SPI1: variants seen among roughly 807,000 people sequenced by gnomAD.
The protein encoded by SPI1 is Spi-1 proto-oncogene.
In SPI1, 3 loss-of-function variants were observed where a neutral mutation model predicts 30.7. The observed-to-expected ratio is 0.10, with a 90% CI of 0.04 to 0.25. SPI1 has a LOEUF of 0.25. Among genes scored for constraint, SPI1 ranks in the 10% least tolerant of loss-of-function variants. The probability of loss-of-function intolerance (pLI) is 1.00; values close to 1 mark genes in which losing one functional copy is unlikely to be tolerated. For synonymous variants in SPI1, 169 were observed against 157.1 expected (o/e 1.08, Z -0.56); for missense variants, 261 against 371.5 (o/e 0.70, Z 2.45).
chr11:47,356,463 GC>G (rs1184122050), intron 4 of SPI1, among the ~76,000 whole-genome samples: 4 of 149,088 alleles, frequency 2.7e-5, no homozygotes, highest in East Asian at 2.0e-4. Context: ...CCCACTTACT[GC>G]CCCCACACAC....
Position 47,355,244 on chromosome 11 carries a change from G to A in SPI1, c.796C>T (p.Arg266Cys), listed in dbSNP as rs1220972251. ...CTGCGGGCTCAGTGGGGCGGGTGGCGCCGCTCGGCCAGGCCCCCGCGGCCC... is the reference window on the plus strand; with the variant it reads ...CTGCGGGCTCAGTGGGGCGGGTGGCACCGCTCGGCCAGGCCCCCGCGGCCC... The part of the protein sequence containing the change: ...VLGRGGLAER[R>C]HPPH Residue 266 changes from arginine (R) to cysteine (C), a missense_variant, in exon 5 of 5, where the codon CGC becomes TGC. Transcript: ENST00000378538. 2.1e-6 allele frequency: 3 copies of A among 1,433,534 alleles called. No individual in the cohort carries two copies. Among genetic ancestry groups the A allele is most frequent in the East Asian group, 5.6e-5 (2 of 35,436 alleles). The allele number at this position is 1,433,534 out of a possible 1,614,324, so 88.8% of individuals were successfully genotyped here. A position where few individuals can be genotyped will look rare whatever the true frequency, so the allele number is the denominator to read the frequency against.
intron 4 of SPI1, among the ~76,000 whole-genome samples, chr11:47,355,910 C>T (rs1240516365): frequency 6.6e-6 from 1 of 151,570 alleles, no homozygotes; most frequent in African/African-American, 2.4e-5. Context: ...CGTGCTCACA[C>T]AACGCACCTT....
intron 4 of SPI1, among the ~76,000 whole-genome samples, chr11:47,355,818 T>TAC (rs1227300003): frequency 7.2e-6 from 1 of 139,102 alleles, no homozygotes; most frequent in Non-Finnish European, 1.5e-5. Context: ...GTGCACCAAG[T>TAC]ACACACACAT....
At position 47,355,053 on chromosome 11, in the gene SPI1, A is replaced by C. The variant is rs1192429620; in HGVS notation, c.*174T>G. ...CGGGGTGGAGTCCTGGAGGGAGGCG[A>C]AGCGGGATGTGGAGGGGGCCTGGAG... is the stretch of plus-strand genomic sequence containing the variant. On this transcript the variant is annotated 3_prime_UTR_variant, in exon 5 of 5. Transcript: ENST00000378538. The C allele has an allele frequency of 8.0e-6, 3 of 377,172 alleles. No homozygotes were observed. Among genetic ancestry groups the C allele is most frequent in the Admixed American group, 1.2e-4 (2 of 16,974 alleles). 23.4% of individuals were successfully genotyped at this position (377,172 alleles called of 1,614,324 possible). A position where few individuals can be genotyped will look rare whatever the true frequency, so the allele number is the denominator to read the frequency against.
At chr11:47,363,788 C>G (rs572800303) in intron 2 of SPI1, among the ~76,000 whole-genome samples, 29 of 151,654 alleles carry the variant, frequency 1.9e-4, no homozygotes, top group African/African-American at 6.8e-4. Context: ...CATAGTGAAA[C>G]CCCGTCTCTA....
chr11:47,365,735 C>T (rs554593733), intron 2 of SPI1, among the ~76,000 whole-genome samples: 66 of 152,244 alleles, frequency 4.3e-4, no homozygotes, highest in African/African-American at 1.5e-3. Context: ...CTCATGCTTT[C>T]GCCCAGACTG....
rs116441639 is a variant in SPI1 at position 47,374,642 on chromosome 11, G to A, written c.142+991C>T. Reference sequence around the variant, plus strand: ...TCGCTGGTCTGCCCGGGTCCCAGACGCCCTGAGGAATTCCCCAGTGACGAC... The same window carrying A: ...TCGCTGGTCTGCCCGGGTCCCAGACACCCTGAGGAATTCCCCAGTGACGAC... On this transcript the variant is annotated intron_variant, in intron 2 of 4. Transcript: ENST00000378538. The surrounding 1 kb of genome is among the most constrained non-coding windows in gnomAD (Gnocchi z 4.5). Among the ~76,000 whole-genome samples the A allele has an allele frequency of 7.0e-3, 1,069 of 152,286 alleles. 18 individuals are homozygous for A. The highest frequency in any genetic ancestry group is 0.025 in the African/African-American group (1,026 of 41,542).
chr11:47,372,183 C>T (rs145804047), intron 2 of SPI1, among the ~76,000 whole-genome samples: 7 of 151,696 alleles, frequency 4.6e-5, no homozygotes, highest in Non-Finnish European at 1.0e-4. Flanking sequence ...CAGCTCACTG[C>T]AACCTCCGCC....
intron 4 of SPI1, among the ~76,000 whole-genome samples, chr11:47,358,008 G>A (rs2095914328): frequency 6.6e-6 from 1 of 151,098 alleles, no homozygotes. Context: ...CTCACACATG[G>A]GAACACACAC....
chr11:47,355,621 C>G (rs554510695), intron 4 of SPI1, 75 bp from the exon 5 acceptor site: 3 of 1,328,180 alleles, frequency 2.3e-6, no homozygotes, highest in Non-Finnish European at 3.0e-6. Context: ...TGCGTACGCA[C>G]AGGGGCCCGG....
chr11:47,356,385 ACACC>A (rs2095909330), intron 4 of SPI1, among the ~76,000 whole-genome samples: 2 of 148,666 alleles, frequency 1.3e-5, no homozygotes, highest in African/African-American at 5.0e-5. Context: ...CACCTCATTC[ACACC>A]CACTCACATG....
At chr11:47,365,198 C>T (rs949616727) in intron 2 of SPI1, among the ~76,000 whole-genome samples, 1 of 152,094 alleles carries the variant, frequency 6.6e-6, no homozygotes, top group Non-Finnish European at 1.5e-5. Context: ...TCTTTATGTC[C>T]CTTCACTGGG....
intron 2 of SPI1, among the ~76,000 whole-genome samples, chr11:47,370,739 G>A (rs1029454351): frequency 1.3e-5 from 2 of 152,090 alleles, no homozygotes; most frequent in African/African-American, 4.8e-5. Context: ...ATGGATATGA[G>A]AAAGTACAGG....
At position 47,355,428 on chromosome 11, in the gene SPI1, C is replaced by T. The variant is rs963601565; in HGVS notation, c.612G>A (p.Lys204=). ...KDKGTFQFSS[K]HKEALAHRWG... ...AGCGGTGCGCCAGCGCCTCCTTGTGCTTGGACGAGAACTGGAAGGTGCCCT... is the reference window on the plus strand; with the variant it reads ...AGCGGTGCGCCAGCGCCTCCTTGTGTTTGGACGAGAACTGGAAGGTGCCCT... The change falls in exon 5 of 5, where the codon AAG becomes AAA. Residue 204 remains lysine, a synonymous_variant. Coordinates refer to ENST00000378538, the MANE Select transcript of SPI1 (RefSeq NM_003120.3). 1 of 1,613,830 alleles carries T rather than the reference C, an allele frequency of 6.2e-7. No homozygotes were observed. The highest frequency in any genetic ancestry group is 8.5e-7 in the Non-Finnish European group (1 of 1,179,770).
chr11:47,358,263 C>G (rs2095914975), intron 4 of SPI1: 1 of 453,970 alleles, frequency 2.2e-6, no homozygotes, highest in Non-Finnish European at 4.1e-6. Flanking sequence ...CTTGCTCACA[C>G]ACCTGCTGTC....
rs1210702530 is a variant in SPI1 at position 47,359,687 on chromosome 11, G to A, written c.330+166C>T. 1.3e-5 allele frequency among the ~76,000 whole-genome samples: 2 copies of A among 151,932 alleles called. No individual in the cohort carries two copies. The highest frequency in any genetic ancestry group is 1.5e-5 in the Non-Finnish European group (1 of 67,986). On this transcript the variant is annotated intron_variant, in intron 3 of 4. Coordinates refer to ENST00000378538, the MANE Select transcript of SPI1 (RefSeq NM_003120.3). The surrounding 1 kb of genome is among the most constrained non-coding windows in gnomAD (Gnocchi z 5.1). ...GAGATAAGGGGTGTGGGGTCATGAG[G>A]TCACTTGGGGGGTCAGGCGGCAGCC...
In SPI1 at chr11:47,359,355, C is replaced by T. The variant is rs142045252; in HGVS notation, c.331-349G>A. Among the ~76,000 whole-genome samples, 45 of 152,158 alleles carry T rather than the reference C, an allele frequency of 3.0e-4. No homozygotes were observed. In the South Asian group the frequency reaches 7.5e-3, roughly 25 times the overall value. On this transcript the variant is annotated intron_variant, in intron 3 of 4. Transcript: ENST00000378538. This position sits in a 1 kb window ranked among gnomAD's most constrained non-coding sequence, Gnocchi z 5.1. The stretch of plus-strand genomic sequence containing the variant: ...GGTCAGAAGAGGGCATGCTAGGGAC[C>T]GGTGCGTTGGGTCTGGAAGGGGGTT...
At position 47,375,534 on chromosome 11, in the gene SPI1, C is replaced by T. The variant is rs1402805365; in HGVS notation, c.142+99G>A. 4.1e-6 allele frequency: 4 copies of T among 967,784 alleles called. 1 individual carries two copies. The African/African-American group carries it at 6.5e-5, about 16-fold the overall frequency. The allele number at this position is 967,784 out of a possible 1,614,324, so 59.9% of individuals were successfully genotyped here. ...CAAACTTGATCTGATTCTCAGAATT[C>T]CAAAGAAGTCCTGGGAATCATTTAT... is the stretch of plus-strand genomic sequence containing the variant. On this transcript the variant is annotated intron_variant, in intron 2 of 4. Transcript: ENST00000378538. This position sits in a 1 kb window ranked among gnomAD's most constrained non-coding sequence, Gnocchi z 4.2.
intron 1 of SPI1, among the ~76,000 whole-genome samples, chr11:47,377,832 G>A (rs146322961): frequency 6.6e-5 from 10 of 152,336 alleles, no homozygotes; most frequent in East Asian, 3.9e-4. Flanking sequence ...CAGACTGGGC[G>A]TTGGGGACCC....
Sources: allele counts gnomAD v4.1 joint callset (sites outside exome capture counted in the v4.1 genomes callset), GRCh38; gene constraint gnomAD v4.1.1; non-coding constraint Gnocchi (gnomAD v3.1); transcripts MANE v1.5; gene names NCBI Gene and HGNC (gene_info 2026-07-23, HGNC 2026-07-21).